BRD4: variants seen among roughly 807,000 people sequenced by gnomAD.
The protein encoded by BRD4 is bromodomain-containing protein 4.
A neutral mutation model predicts 142.1 loss-of-function variants in BRD4; 16 were observed. The ratio of observed to expected loss-of-function variants is 0.11; its 90% CI spans 0.08 to 0.17. The LOEUF (loss-of-function observed/expected upper bound fraction) is 0.17, where lower values mean the gene tolerates loss of function less well. Among genes scored for constraint, BRD4 ranks in the 10% least tolerant of loss-of-function variants. The pLI is 1.00. For missense variants in BRD4, 1,424 were observed against 1,810.9 expected (o/e 0.79, Z 3.88); for synonymous variants, 833 against 707.5 (o/e 1.18, Z -2.82).
intron 1 of BRD4, among the ~76,000 whole-genome samples, chr19:15,321,009 G>A (rs2048056797): frequency 6.6e-6 from 1 of 152,196 alleles, no homozygotes; most frequent in Admixed American, 6.5e-5. Context: ...CAAGGCGGAT[G>A]GATCACCTGA....
intron 5 of BRD4, 138 bp from the exon 6 acceptor site, chr19:15,264,904 C>A: frequency 7.3e-7 from 1 of 1,365,324 alleles, no homozygotes; most frequent in Non-Finnish European, 1.0e-6. Context: ...ATTGCACAGG[C>A]AAAGGGCCAA....
intron 1 of BRD4, among the ~76,000 whole-genome samples, chr19:15,308,115 CAAAAAAAA>C (rs57642262): frequency 1.8e-3 from 38 of 21,184 alleles, no homozygotes; most frequent in African/African-American, 9.8e-3. Flanking sequence ...GACTCCGTCT[CAAAAAAAA>C]AAAAAAAAAA....
In BRD4 at chr19:15,239,228, G is replaced by C; in HGVS notation, c.3613C>G (p.Leu1205Val). The C allele has an allele frequency of 1.2e-6, 2 of 1,613,136 alleles. No homozygotes were observed. The highest frequency in any genetic ancestry group is 1.7e-6 in the Non-Finnish European group (2 of 1,179,980). The change falls in exon 18 of 20, where the codon CTA (leucine) becomes GTA (valine). Residue 1205 changes from leucine to valine, a missense_variant. This residue lies in a region of BRD4 where 49 missense variants were observed against 97.3 expected (regional missense o/e 0.50). Coordinates refer to ENST00000679869, the MANE Select transcript of BRD4 (RefSeq NM_001379291.1). This position sits in a 1 kb window ranked among gnomAD's most constrained non-coding sequence, Gnocchi z 7.4. ...GGGGTGGTCGGATGCTTCTGCACTA[G>C]GCTGGCCCAGGAGCCCATGTTCTTG... ...KIKNMGSWAS[L>V]VQKHPTTPSS...
In BRD4 at chr19:15,258,247, C is replaced by G. The variant is rs1232962305; in HGVS notation, c.1342-1074G>C. Among the ~76,000 whole-genome samples the G allele has an allele frequency of 2.0e-5, 3 of 152,368 alleles. No individual in the cohort carries two copies. In the East Asian group the frequency reaches 5.8e-4, roughly 29 times the overall value. On this transcript the variant is annotated intron_variant, in intron 7 of 19. Coordinates refer to ENST00000679869, the MANE Select transcript of BRD4 (RefSeq NM_001379291.1). ...ACTCCTTGAGGCTTCCTCTCCCACG[C>G]TGCTGGAGCAGGCATCCCATATAAC...
intron 1 of BRD4, among the ~76,000 whole-genome samples, chr19:15,282,550 T>C (rs2047713082): frequency 6.6e-6 from 1 of 152,236 alleles, no homozygotes; most frequent in Non-Finnish European, 1.5e-5. Flanking sequence ...TGTCCACTTC[T>C]ACCTGGTAAG....
intron 1 of BRD4, among the ~76,000 whole-genome samples, chr19:15,283,679 G>A (rs1223416445): frequency 6.6e-6 from 1 of 152,200 alleles, no homozygotes; most frequent in African/African-American, 2.4e-5. Context: ...ATCCACGAGT[G>A]GGAATGGTGA....
chr19:15,323,464 G>A (rs1370890347), intron 1 of BRD4, among the ~76,000 whole-genome samples: 18 of 152,102 alleles, frequency 1.2e-4, no homozygotes, highest in Admixed American at 1.2e-3. Context: ...CACAAAATAT[G>A]TTTCCTCAAA....
chr19:15,241,099 T>C (rs2047234496), intron 14 of BRD4, among the ~76,000 whole-genome samples: 1 of 152,234 alleles, frequency 6.6e-6, no homozygotes, highest in African/African-American at 2.4e-5. Flanking sequence ...GGAGCCCACA[T>C]GGTGGCCAGG....
At chr19:15,304,087 T>C (rs2047893649) in intron 1 of BRD4, among the ~76,000 whole-genome samples, 1 of 152,156 alleles carries the variant, frequency 6.6e-6, no homozygotes, top group African/African-American at 2.4e-5. Context: ...TCTCCAGAGG[T>C]AAACCCAAAG....
In BRD4 at chr19:15,235,775, C is replaced by A. The variant is rs1234123803; in HGVS notation, c.*2602G>T. 3 of 152,126 alleles carry A rather than the reference C, an allele frequency of 2.0e-5. No homozygotes were observed. The East Asian group carries it at 5.8e-4, about 29-fold the overall frequency. The allele number at this position is 152,126 out of a possible 1,614,324, so 9.4% of individuals were successfully genotyped here. On this transcript the variant is annotated 3_prime_UTR_variant, in exon 20 of 20. Transcript: ENST00000679869. ...TACTGTGGGAAGGGTTGGGAAATGG[C>A]TGGAGAAATTAAATAGATCCCAGTT... is the stretch of plus-strand genomic sequence containing the variant.
chr19:15,270,373 G>A (rs1221520196), intron 2 of BRD4, among the ~76,000 whole-genome samples: 1 of 152,158 alleles, frequency 6.6e-6, no homozygotes, highest in Non-Finnish European at 1.5e-5. Context: ...TGGGGGTGAG[G>A]GCTACAAGTG....
In BRD4 at chr19:15,244,695, CCT is replaced by C. The variant is rs758067229; in HGVS notation, c.2211+13_2211+14del. 3.7e-5 allele frequency: 59 copies of C among 1,614,110 alleles called. No individual in the cohort carries two copies. Among genetic ancestry groups the C allele is most frequent in the East Asian group, 1.6e-4 (7 of 44,876 alleles). ...AACGTCCCACCTAATGAAGGATGCC[CCT>C]GAGCCCATGTACCTTCTTCTGCTCC... On this transcript the variant is annotated intron_variant, in intron 12 of 19. Coordinates refer to ENST00000679869, the MANE Select transcript of BRD4 (RefSeq NM_001379291.1).
At position 15,244,612 on chromosome 19, in the gene BRD4, GAGAC is replaced by G. The variant is rs753440544; in HGVS notation, c.2212-16_2212-13del. The G allele has an allele frequency of 8.8e-5, 142 of 1,612,936 alleles. No homozygotes were observed. The East Asian group carries it at 1.7e-3, about 19-fold the overall frequency. On this transcript the variant is annotated splice_polypyrimidine_tract_variant and intron_variant, in intron 12 of 19. Transcript: ENST00000679869. ...TGGTGATGATGGTGCTGCAGACAGAGAGACAGACAGACAGACAGGCTGATGTCAG... is the reference window on the plus strand; with the variant it reads ...TGGTGATGATGGTGCTGCAGACAGAGAGACAGACAGACAGGCTGATGTCAG...
chr19:15,292,838 G>A (rs62113847), intron 1 of BRD4, among the ~76,000 whole-genome samples: 38,122 of 127,832 alleles, frequency 0.3, 6,023 homozygotes, highest in East Asian at 0.42. Flanking sequence ...GAAAAGAAAA[G>A]CCTGAAACAT....
chr19:15,244,882 G>C, intron 11 of BRD4, 120 bp from the exon 12 acceptor site: 4 of 1,547,728 alleles, frequency 2.6e-6, no homozygotes, highest in Admixed American at 1.9e-5. Flanking sequence ...CCCTGAGAAA[G>C]GGCAGCCGAG....
rs59956347 is a variant in BRD4, at chr19:15,309,338, C to CAAA, written c.-35+22949_-35+22951dup. On this transcript the variant is annotated intron_variant, in intron 1 of 19. Coordinates refer to ENST00000679869, the MANE Select transcript of BRD4 (RefSeq NM_001379291.1). Reference sequence around the variant, plus strand: ...GGGCGACAGAGCAAGACTCCACCTCCAAAAAAAAAAAAAAAAAACCAACAA... The same window carrying CAAA: ...GGGCGACAGAGCAAGACTCCACCTCCAAAAAAAAAAAAAAAAAAAAACCAACAA... 6.8e-3 allele frequency among the ~76,000 whole-genome samples: 492 copies of CAAA among 72,836 alleles called. 5 individuals carry two copies. The highest frequency in any genetic ancestry group is 0.015 in the Middle Eastern group (2 of 132). The allele number at this position is 72,836 out of a possible 152,430, so 47.8% of individuals were successfully genotyped here.
intron 14 of BRD4, among the ~76,000 whole-genome samples, chr19:15,241,872 G>T (rs1265825291): frequency 6.7e-6 from 1 of 150,160 alleles, no homozygotes; most frequent in Non-Finnish European, 1.5e-5. Flanking sequence ...GAGTGCAGTG[G>T]CACGATCTCA....
At position 15,252,777 on chromosome 19, in the gene BRD4, G is replaced by A. The variant is rs79456192; in HGVS notation, c.2158+1375C>T. On this transcript the variant is annotated intron_variant, in intron 11 of 19. Transcript: ENST00000679869. ...AATGTGGGCATCTGGAGTCCTGGAG[G>A]GTCCTTCAGCCCACTTCAAGGCAAG... Among the ~76,000 whole-genome samples the A allele has an allele frequency of 5.7e-3, 864 of 152,258 alleles. 9 individuals are homozygous for A. The highest frequency in any genetic ancestry group is 0.02 in the African/African-American group (823 of 41,542).
rs538001522 is a variant in BRD4 at position 15,238,624 on chromosome 19, C to T, written c.4020+119G>A. On this transcript the variant is annotated intron_variant, in intron 19 of 19. Transcript: ENST00000679869. The surrounding 1 kb of genome is among the most constrained non-coding windows in gnomAD (Gnocchi z 7.2). Reference sequence around the variant, plus strand: ...CAGCTGAGTCCAGAGGACCACATGCCGACCAGCAGGGACGGGGCTCCCCCG... The same window carrying T: ...CAGCTGAGTCCAGAGGACCACATGCTGACCAGCAGGGACGGGGCTCCCCCG... The T allele has an allele frequency of 6.2e-6, 9 of 1,458,986 alleles. No homozygotes were observed. Among genetic ancestry groups the T allele is most frequent in the South Asian group, 2.9e-5 (2 of 69,326 alleles). The allele number at this position is 1,458,986 out of a possible 1,614,324, so 90.4% of individuals were successfully genotyped here.
Sources: allele counts gnomAD v4.1 joint callset (sites outside exome capture counted in the v4.1 genomes callset), GRCh38; gene constraint gnomAD v4.1.1; regional missense constraint gnomAD v4.1.1; non-coding constraint Gnocchi (gnomAD v3.1); transcripts MANE v1.5; gene names NCBI Gene and HGNC (gene_info 2026-07-23, HGNC 2026-07-21).